Variants in ANKFN1 observed in about 807,000 individuals in gnomAD.
The protein encoded by ANKFN1 is ankyrin repeat and fibronectin type III domain containing 1, also known as ankyrin repeat and fibronectin type-III domain-containing protein 1.
Under a neutral mutation model 108.7 loss-of-function variants are expected in ANKFN1, and 74 were observed. The observed-to-expected ratio is 0.68, with a 90% CI of 0.56 to 0.83. ANKFN1 has a LOEUF of 0.83. Among genes scored for constraint, ANKFN1 ranks in the 40% least tolerant of loss-of-function variants. The pLI is 0.00. For synonymous variants in ANKFN1, 547 were observed against 516.2 expected (o/e 1.06, Z -0.81); for missense variants, 1,505 against 1,382.3 (o/e 1.09, Z -1.41).
chr17:56,308,340 T>C (rs956371237), intron 3 of ANKFN1, among the ~76,000 whole-genome samples: 3 of 152,186 alleles, frequency 2.0e-5, no homozygotes, highest in African/African-American at 7.2e-5. Flanking sequence ...ACTTTTAACT[T>C]GCATCCATGT....
chr17:56,497,238 C>A lies in ANKFN1; in HGVS notation c.2428-1644C>A, dbSNP rs137945793. On this transcript the variant is annotated intron_variant, in intron 19 of 20. Coordinates refer to ENST00000682825, the MANE Select transcript of ANKFN1 (RefSeq NM_001370326.1). ...TTCCCACTTTGGCTTTATCCCCAGACTTTAGATTTCTCCCTTCAAAATGGC... is the reference window on the plus strand; with the variant it reads ...TTCCCACTTTGGCTTTATCCCCAGAATTTAGATTTCTCCCTTCAAAATGGC... Among the ~76,000 whole-genome samples the A allele has an allele frequency of 5.7e-3, 870 of 152,262 alleles. 9 individuals carry two copies. The highest frequency in any genetic ancestry group is 0.02 in the African/African-American group (835 of 41,556).
intron 5 of ANKFN1, 117 bp from the exon 6 acceptor site, chr17:56,353,719 A>T (rs2046305670): frequency 1.2e-6 from 1 of 819,704 alleles, no homozygotes; most frequent in African/African-American, 1.7e-5. Flanking sequence ...AATTGTAGTT[A>T]TTCCACTTAT....
intron 1 of ANKFN1, among the ~76,000 whole-genome samples, chr17:56,197,035 G>A (rs567050074): frequency 1.3e-5 from 2 of 152,140 alleles, no homozygotes; most frequent in African/African-American, 4.8e-5. Flanking sequence ...ACACTTTTGT[G>A]CTTGTTCAAA....
intron 10 of ANKFN1, among the ~76,000 whole-genome samples, chr17:56,446,607 C>G (rs190943754): frequency 9.2e-5 from 14 of 152,246 alleles, no homozygotes; most frequent in Non-Finnish European, 1.6e-4. Context: ...GCTTTGTTTT[C>G]TTAAACCTCA....
At chr17:56,419,355 C>A (rs1204899259) in intron 8 of ANKFN1, among the ~76,000 whole-genome samples, 2 of 151,886 alleles carry the variant, frequency 1.3e-5, no homozygotes, top group East Asian at 1.9e-4. Context: ...TGGTGGCAAG[C>A]GCCTGTAATC....
chr17:56,210,601 G>A (rs1275700824), intron 1 of ANKFN1, among the ~76,000 whole-genome samples: 1 of 152,022 alleles, frequency 6.6e-6, no homozygotes, highest in African/African-American at 2.4e-5. Context: ...TTTTCTTGCT[G>A]ATTTGTTTGA....
At chr17:56,320,916 C>G (rs1219350611) in intron 3 of ANKFN1, among the ~76,000 whole-genome samples, 1 of 152,064 alleles carries the variant, frequency 6.6e-6, no homozygotes, top group Non-Finnish European at 1.5e-5. Context: ...CAATGTGTCT[C>G]GTCTCCAAGA....
intron 3 of ANKFN1, among the ~76,000 whole-genome samples, chr17:56,258,833 C>A (rs1191304766): frequency 6.6e-6 from 1 of 152,078 alleles, no homozygotes; most frequent in African/African-American, 2.4e-5. Flanking sequence ...ATGGCGTGAA[C>A]CCGGGAGGCG....
chr17:56,406,442 GAATT>G lies in ANKFN1; in HGVS notation c.910+31731_910+31734del, dbSNP rs560789814. On this transcript the variant is annotated intron_variant, in intron 8 of 20. Transcript: ENST00000682825. ...ATTTCATGAAGCAGGCTCCCATACT[GAATT>G]AAATAATAAATTTCCCCAAAAGAGT... Among the ~76,000 whole-genome samples the G allele has an allele frequency of 5.3e-3, 810 of 152,184 alleles. 5 individuals are homozygous for G. The highest frequency in any genetic ancestry group is 0.018 in the African/African-American group (765 of 41,530).
intron 1 of ANKFN1, among the ~76,000 whole-genome samples, chr17:56,180,075 G>A (rs1401080200): frequency 6.6e-6 from 1 of 152,128 alleles, no homozygotes; most frequent in Non-Finnish European, 1.5e-5. Flanking sequence ...ATTTCTGGGG[G>A]ATGCATGTAG....
At chr17:56,304,530 T>C (rs2044762309) in intron 3 of ANKFN1, among the ~76,000 whole-genome samples, 1 of 152,226 alleles carries the variant, frequency 6.6e-6, no homozygotes, top group African/African-American at 2.4e-5. Flanking sequence ...TGCTGGAATA[T>C]ATGTTAATTA....
Position 56,467,807 on chromosome 17 carries a change from A to AAAAAGAAAG in ANKFN1, c.1773+1238_1773+1239insAAGAAAGAA, listed in dbSNP as rs1568026507. 5.3e-3 allele frequency among the ~76,000 whole-genome samples: 173 copies of AAAAAGAAAG among 32,838 alleles called. 6 individuals are homozygous for AAAAAGAAAG. The highest frequency in any genetic ancestry group is 0.026 in the African/African-American group (159 of 6,100). The allele number at this position is 32,838 out of a possible 152,430, so 21.5% of individuals were successfully genotyped here. ...AGAAAGAAAGAAGAAAGAAAGAAAG[A>AAAAAGAAAG]AAGAAAGAAAGAAAGAAAGAAAGAA... On this transcript the variant is annotated intron_variant, in intron 15 of 20. Transcript: ENST00000682825.
At chr17:56,447,128 A>T (rs2049322621) in intron 10 of ANKFN1, among the ~76,000 whole-genome samples, 1 of 152,066 alleles carries the variant, frequency 6.6e-6, no homozygotes, top group Admixed American at 6.5e-5. Context: ...GAGGCTGAGG[A>T]GGGAGAATCA....
chr17:56,260,608 A>C (rs187731600), intron 3 of ANKFN1, among the ~76,000 whole-genome samples: 131 of 152,330 alleles, frequency 8.6e-4, no homozygotes, highest in African/African-American at 2.8e-3. Flanking sequence ...TTTGAAATAC[A>C]CATGGGGTTT....
chr17:56,287,115 C>T (rs2044239038), intron 3 of ANKFN1, among the ~76,000 whole-genome samples: 1 of 152,174 alleles, frequency 6.6e-6, no homozygotes, highest in Non-Finnish European at 1.5e-5. Flanking sequence ...GCAGATAAGG[C>T]AGGCCTTATT....
In ANKFN1 at chr17:56,516,257, A is replaced by AGTGT. The variant is rs71139913; in HGVS notation, c.*5010_*5013dup. 0.012 allele frequency among the ~76,000 whole-genome samples: 1,782 copies of AGTGT among 148,446 alleles called. 14 individuals carry two copies. Among genetic ancestry groups the AGTGT allele is most frequent in the East Asian group, 0.023 (119 of 5,078 alleles). ...GTTTGATGTTTGTGATTTTTAAAAAAGTGTGTGTGTGTGTGTGTGTGTGTG... is the reference window on the plus strand; with the variant it reads ...GTTTGATGTTTGTGATTTTTAAAAAAGTGTGTGTGTGTGTGTGTGTGTGTGTGTG... On this transcript the variant is annotated 3_prime_UTR_variant, in exon 21 of 21. Coordinates refer to ENST00000682825, the MANE Select transcript of ANKFN1 (RefSeq NM_001370326.1).
chr17:56,400,821 C>A lies in ANKFN1; in HGVS notation c.910+26107C>A, dbSNP rs189769612. ...TCCTACATGTGGCTAGCCAATTATC[C>A]CAGCACCATTTGTTGAAAAGGGTGT... On this transcript the variant is annotated intron_variant, in intron 8 of 20. Coordinates refer to ENST00000682825, the MANE Select transcript of ANKFN1 (RefSeq NM_001370326.1). Among the ~76,000 whole-genome samples the A allele has an allele frequency of 7.8e-4, 119 of 152,104 alleles. 1 individual carries two copies. In the East Asian group the frequency reaches 8.1e-3, roughly 10 times the overall value.
intron 8 of ANKFN1, among the ~76,000 whole-genome samples, chr17:56,402,248 G>C (rs919924910): frequency 1.3e-5 from 2 of 152,028 alleles, no homozygotes; most frequent in East Asian, 3.9e-4. Context: ...CTATCTTATG[G>C]AATAGTGACA....
intron 14 of ANKFN1, among the ~76,000 whole-genome samples, chr17:56,465,276 AT>A (rs2050036513): frequency 1.3e-5 from 2 of 152,192 alleles, no homozygotes; most frequent in African/African-American, 4.8e-5. Flanking sequence ...TGCCAAATGA[AT>A]TTTTATGTCA....
Sources: gnomAD v4.1 joint callset for allele counts (sites outside exome capture counted in the v4.1 genomes callset) on GRCh38, gnomAD v4.1.1 for gene constraint, MANE v1.5 for transcripts, NCBI Gene and HGNC (gene_info 2026-07-23, HGNC 2026-07-21) for gene names.